MAML2: variants seen among roughly 807,000 people sequenced by gnomAD.
MAML2 encodes the protein mastermind like transcriptional coactivator 2.
In MAML2, 22 loss-of-function variants were observed where a neutral mutation model predicts 96.1. The ratio of observed to expected loss-of-function variants is 0.23; its 90% confidence interval spans 0.16 to 0.33. The LOEUF (loss-of-function observed/expected upper bound fraction) is 0.33, where lower values mean the gene tolerates loss of function less well. Among genes scored for constraint, MAML2 ranks in the 10% least tolerant of loss-of-function variants. The pLI, the probability that MAML2 is intolerant of heterozygous loss-of-function variation, is 1.00. For missense variants in MAML2, 1,367 were observed against 1,392.4 expected (o/e 0.98, Z 0.29); for synonymous variants, 561 against 521.3 (o/e 1.08, Z -1.04).
intron 1 of MAML2, among the ~76,000 whole-genome samples, chr11:96,239,879 G>C (rs1862409715): frequency 6.6e-6 from 1 of 152,330 alleles, no homozygotes; most frequent in East Asian, 1.9e-4. Context: ...GTGGTGACCT[G>C]TCCATGTCTT....
intron 1 of MAML2, among the ~76,000 whole-genome samples, chr11:96,223,917 T>C (rs1862176392): frequency 6.6e-6 from 1 of 152,238 alleles, no homozygotes; most frequent in Non-Finnish European, 1.5e-5. Context: ...CTGAATTATT[T>C]GATATTATAA....
At chr11:96,139,959 T>G (rs1313811642) in intron 1 of MAML2, among the ~76,000 whole-genome samples, 1 of 152,160 alleles carries the variant, frequency 6.6e-6, no homozygotes, top group Non-Finnish European at 1.5e-5. Context: ...AAAAATCTAT[T>G]GAATTAAGGA....
intron 2 of MAML2, among the ~76,000 whole-genome samples, chr11:96,006,464 C>A (rs1858179100): frequency 6.6e-6 from 1 of 151,946 alleles, no homozygotes; most frequent in Admixed American, 6.6e-5. Flanking sequence ...ACAACTACTG[C>A]CAGATCTGAT....
chr11:96,249,462 G>T (rs938750197), intron 1 of MAML2, among the ~76,000 whole-genome samples: 5 of 151,918 alleles, frequency 3.3e-5, no homozygotes, highest in African/African-American at 1.2e-4. Flanking sequence ...TGTCTAATAG[G>T]CATGTCAAAC....
At chr11:96,107,548 C>G (rs564927527) in intron 1 of MAML2, among the ~76,000 whole-genome samples, 2 of 152,190 alleles carry the variant, frequency 1.3e-5, no homozygotes, top group Non-Finnish European at 2.9e-5. Flanking sequence ...CTTGGACTCT[C>G]TAACATGATA....
chr11:96,314,858 C>A (rs1863606687), intron 1 of MAML2, among the ~76,000 whole-genome samples: 1 of 152,204 alleles, frequency 6.6e-6, no homozygotes, highest in Non-Finnish European at 1.5e-5. Flanking sequence ...CAGCCCCCTG[C>A]AATCCAGACT....
chr11:96,099,261 A>T (rs921067609), intron 1 of MAML2, among the ~76,000 whole-genome samples: 2 of 152,134 alleles, frequency 1.3e-5, no homozygotes, highest in African/African-American at 4.8e-5. Flanking sequence ...AAGCTAATAT[A>T]TGACTCTTGA....
intron 3 of MAML2, among the ~76,000 whole-genome samples, chr11:95,990,202 G>A (rs561500869): frequency 4.6e-5 from 7 of 151,376 alleles, no homozygotes; most frequent in African/African-American, 1.7e-4. Context: ...ATACTTTTTA[G>A]TATATTTTAT....
chr11:96,299,425 G>A (rs1186608963), intron 1 of MAML2, among the ~76,000 whole-genome samples: 2 of 151,922 alleles, frequency 1.3e-5, no homozygotes, highest in Admixed American at 6.6e-5. Context: ...CGCAGAGGCT[G>A]CCGGTGCCCT....
chr11:96,211,356 A>G (rs1861968360), intron 1 of MAML2, among the ~76,000 whole-genome samples: 1 of 152,082 alleles, frequency 6.6e-6, no homozygotes, highest in Admixed American at 6.6e-5. Context: ...TCTGATCTTA[A>G]TAATTGTCGT....
intron 1 of MAML2, among the ~76,000 whole-genome samples, chr11:96,263,797 A>G (rs2135975004): frequency 6.6e-6 from 1 of 152,348 alleles, no homozygotes; most frequent in East Asian, 1.9e-4. Flanking sequence ...TATCATTAAA[A>G]GAGCAACCAA....
At chr11:96,165,533 C>A (rs1210820174) in intron 1 of MAML2, among the ~76,000 whole-genome samples, 1 of 152,050 alleles carries the variant, frequency 6.6e-6, no homozygotes, top group African/African-American at 2.4e-5. Flanking sequence ...TTACATTTTA[C>A]ATATCTCTGT....
intron 1 of MAML2, among the ~76,000 whole-genome samples, chr11:96,198,509 G>A (rs1002205667): frequency 1.3e-5 from 2 of 152,102 alleles, no homozygotes; most frequent in Admixed American, 6.5e-5. Context: ...AATCATCATG[G>A]GGGTAGATGG....
chr11:96,233,473 T>A lies in MAML2; in HGVS notation c.513+107910A>T, dbSNP rs138572841. ...CCCAGGCTGGAGTGTAGTGGTGCAATCATAGCTTACTGCAGGCTTAACCTC... is the reference window on the plus strand; with the variant it reads ...CCCAGGCTGGAGTGTAGTGGTGCAAACATAGCTTACTGCAGGCTTAACCTC... On this transcript the variant is annotated intron_variant, in intron 1 of 4. Transcript: ENST00000524717. 2.2e-3 allele frequency among the ~76,000 whole-genome samples: 337 copies of A among 152,032 alleles called. 2 individuals are homozygous for A. The highest frequency in any genetic ancestry group is 7.8e-3 in the African/African-American group (322 of 41,472).
At chr11:96,300,135 A>G (rs1863366486) in intron 1 of MAML2, among the ~76,000 whole-genome samples, 1 of 152,196 alleles carries the variant, frequency 6.6e-6, no homozygotes, top group Non-Finnish European at 1.5e-5. Context: ...TTGAGCTCTC[A>G]TAGGTAGACA....
In MAML2 at chr11:95,979,497, T is replaced by C; in HGVS notation, c.2922A>G (p.Lys974=). Residue 974 remains lysine (K), a synonymous_variant, in exon 5 of 5, where the codon AAA becomes AAG. Coordinates refer to ENST00000524717, the MANE Select transcript of MAML2 (RefSeq NM_032427.4). The part of the protein sequence containing the change: ...PNWASQEGTS[K]QQEALTSAGV... ...CTGCAGACGTCAGGGCTTCTTGCTG[T>C]TTGCTTGTTCCTTCTTGAGAGGCCC... 1.2e-6 allele frequency: 2 copies of C among 1,613,708 alleles called. No individual in the cohort carries two copies. Among genetic ancestry groups the C allele is most frequent in the Non-Finnish European group, 1.7e-6 (2 of 1,179,802 alleles).
intron 1 of MAML2, among the ~76,000 whole-genome samples, chr11:96,229,557 G>T (rs569886755): frequency 4.1e-5 from 6 of 147,846 alleles, no homozygotes; most frequent in Admixed American, 6.8e-5. Context: ...CAGACTGCAA[G>T]CATCCTAGAT....
chr11:96,048,062 G>A (rs961460733), intron 2 of MAML2, among the ~76,000 whole-genome samples: 4 of 152,022 alleles, frequency 2.6e-5, no homozygotes, highest in African/African-American at 9.7e-5. Context: ...AGTTTGAGAA[G>A]CCAAGACGTT....
intron 1 of MAML2, among the ~76,000 whole-genome samples, chr11:96,162,176 CT>C (rs36006515): frequency 0.029 from 3,111 of 105,814 alleles, 43 homozygotes; most frequent in African/African-American, 0.063. Context: ...ATCAATCTAA[CT>C]TTTTTTTTTT....
Sources: gnomAD v4.1 joint callset for allele counts (sites outside exome capture counted in the v4.1 genomes callset) on GRCh38, gnomAD v4.1.1 for gene constraint, MANE v1.5 for transcripts, NCBI Gene and HGNC (gene_info 2026-07-23, HGNC 2026-07-21) for gene names.